The following CPA6 variants were observed in gnomAD, a reference collection of about 807,000 sequenced individuals.
CPA6 encodes carboxypeptidase B.
A neutral mutation model predicts 63.3 loss-of-function variants in CPA6; 58 were observed. The observed-to-expected ratio is 0.92, with a 90% confidence interval of 0.74 to 1.14. The LOEUF (loss-of-function observed/expected upper bound fraction) is 1.14, where lower values mean the gene tolerates loss of function less well. CPA6 is among the 50% of genes most tolerant of loss of function. The probability of loss-of-function intolerance (pLI) is 0.00; values close to 1 mark genes in which losing one functional copy is unlikely to be tolerated. For synonymous variants in CPA6, 185 were observed against 179.0 expected, an observed-to-expected ratio of 1.03 and a Z score of -0.27; for missense variants, 565 against 526.6, an observed-to-expected ratio of 1.07 and a Z score of -0.71.
chr8:67,425,742 C>G (rs1587410478), intron 10 of CPA6, among the ~76,000 whole-genome samples: 1 of 152,090 alleles, frequency 6.6e-6, no homozygotes, highest in African/African-American at 2.4e-5. Flanking sequence ...CCCTTTGCTT[C>G]AGTTAAGGAC....
chr8:67,740,203 G>C (rs1197612032), intron 1 of CPA6, among the ~76,000 whole-genome samples: 1 of 152,174 alleles, frequency 6.6e-6, no homozygotes, highest in Non-Finnish European at 1.5e-5. Flanking sequence ...GACAGTCCCT[G>C]GCAACCCCAG....
intron 1 of CPA6, chr8:67,732,714 T>C (rs1817729826): frequency 1.3e-5 from 2 of 152,372 alleles, no homozygotes. Context: ...TGGAGGAACA[T>C]GCACAGAATA....
chr8:67,733,120 C>T (rs1317927958), intron 1 of CPA6, among the ~76,000 whole-genome samples: 2 of 137,268 alleles, frequency 1.5e-5, no homozygotes, highest in Non-Finnish European at 3.0e-5. Flanking sequence ...GGCTTGAACC[C>T]GGGAGGTGGA....
chr8:67,633,547 G>A (rs908383703), intron 1 of CPA6, among the ~76,000 whole-genome samples: 1 of 152,098 alleles, frequency 6.6e-6, no homozygotes, highest in Non-Finnish European at 1.5e-5. Flanking sequence ...CGGGCGTGGT[G>A]GCGGGCGCCT....
Position 67,543,727 on chromosome 8 carries a change from C to CT in CPA6, c.193-25681dup, listed in dbSNP as rs758600020. ...ATTGTTGTGAAACACATCTCCAGAC[C>CT]TTTTTCATTTATACTCATCAAACAA... On this transcript the variant is annotated intron_variant, in intron 2 of 10. Transcript: ENST00000297770. 2.6e-5 allele frequency among the ~76,000 whole-genome samples: 4 copies of CT among 151,980 alleles called. No individual in the cohort carries two copies. In the East Asian group the frequency reaches 7.7e-4, roughly 29 times the overall value.
At position 67,576,956 on chromosome 8, in the gene CPA6, G is replaced by A. The variant is rs117161333; in HGVS notation, c.192+47220C>T. On this transcript the variant is annotated intron_variant, in intron 2 of 10. Coordinates refer to ENST00000297770, the MANE Select transcript of CPA6 (RefSeq NM_020361.5). ...CAGCTCACTGCAACCTTCCGCCTCC[G>A]GGGTTCAAGCGATTCTCCTATCTTA... 6.1e-4 allele frequency among the ~76,000 whole-genome samples: 93 copies of A among 151,388 alleles called. 2 individuals are homozygous for A. In the East Asian group the frequency reaches 0.017, roughly 28 times the overall value.
intron 1 of CPA6, among the ~76,000 whole-genome samples, chr8:67,727,329 G>C (rs1489320301): frequency 6.6e-6 from 1 of 152,112 alleles, no homozygotes; most frequent in Non-Finnish European, 1.5e-5. Flanking sequence ...ATACCCCAAA[G>C]TATGGTGCTT....
At chr8:67,576,149 T>C (rs1451856995) in intron 2 of CPA6, among the ~76,000 whole-genome samples, 2 of 152,196 alleles carry the variant, frequency 1.3e-5, no homozygotes, top group Admixed American at 6.5e-5. Context: ...TTGAGTACTG[T>C]ACATTTTAAC....
At chr8:67,638,709 G>A (rs960833333) in intron 1 of CPA6, among the ~76,000 whole-genome samples, 13 of 151,634 alleles carry the variant, frequency 8.6e-5, no homozygotes, top group African/African-American at 2.9e-4. Flanking sequence ...CTCAATTTGA[G>A]GCATTACTGA....
intron 8 of CPA6, among the ~76,000 whole-genome samples, chr8:67,443,682 A>G (rs1399571179): frequency 6.6e-6 from 1 of 152,210 alleles, no homozygotes; most frequent in Non-Finnish European, 1.5e-5. Context: ...TCTCTTAACC[A>G]TGAAGGATTT....
At position 67,681,200 on chromosome 8, in the gene CPA6, C is replaced by CTTTTTTTTTTTTTTTTTTTTTTTTT. The variant is rs1007305743; in HGVS notation, c.117-56950_117-56949insAAAAAAAAAAAAAAAAAAAAAAAAA. Among the ~76,000 whole-genome samples, 56 of 89,880 alleles carry CTTTTTTTTTTTTTTTTTTTTTTTTT rather than the reference C, an allele frequency of 6.2e-4. 13 individuals carry two copies. The highest frequency in any genetic ancestry group is 8.0e-4 in the Non-Finnish European group (39 of 48,920). 59.0% of individuals were successfully genotyped at this position (89,880 alleles called of 152,430 possible). ...CTCAACCCAAGGTCACAAAGATTTT[C>CTTTTTTTTTTTTTTTTTTTTTTTTT]TTTTTTTTTTTTTTTTTTTTGAGAC... On this transcript the variant is annotated intron_variant, in intron 1 of 10. Coordinates refer to ENST00000297770, the MANE Select transcript of CPA6 (RefSeq NM_020361.5).
At chr8:67,441,493 G>C (rs1810293449) in intron 8 of CPA6, among the ~76,000 whole-genome samples, 1 of 152,126 alleles carries the variant, frequency 6.6e-6, no homozygotes, top group Non-Finnish European at 1.5e-5. Context: ...CTCAACTAAA[G>C]AACTCTGAAA....
chr8:67,448,848 A>G (rs1000359309), intron 8 of CPA6, among the ~76,000 whole-genome samples: 1 of 152,056 alleles, frequency 6.6e-6, no homozygotes, highest in African/African-American at 2.4e-5. Flanking sequence ...ATATAATGTT[A>G]TCAATCATCC....
At chr8:67,541,400 G>C (rs1008186178) in intron 2 of CPA6, among the ~76,000 whole-genome samples, 1 of 152,098 alleles carries the variant, frequency 6.6e-6, no homozygotes. Context: ...ACCTGGGCCT[G>C]GTAGTTAAAG....
chr8:67,690,502 G>A (rs1347106331), intron 1 of CPA6, among the ~76,000 whole-genome samples: 1 of 152,156 alleles, frequency 6.6e-6, no homozygotes, highest in Non-Finnish European at 1.5e-5. Context: ...GCACATCAGT[G>A]CTTGTTCTAA....
intron 2 of CPA6, among the ~76,000 whole-genome samples, chr8:67,570,456 GAGTATGAGGGTTAA>G (rs1324289627): frequency 6.6e-6 from 1 of 152,114 alleles, no homozygotes; most frequent in Non-Finnish European, 1.5e-5. Context: ...ATTATATTCC[GAGTATGAGGGTTAA>G]AGGGCAAAAT....
chr8:67,549,754 G>A (rs1040781740), intron 2 of CPA6, among the ~76,000 whole-genome samples: 1 of 152,118 alleles, frequency 6.6e-6, no homozygotes, highest in Non-Finnish European at 1.5e-5. Flanking sequence ...TCTGTGTCTG[G>A]TTTATTTCAC....
intron 1 of CPA6, among the ~76,000 whole-genome samples, chr8:67,655,771 A>C (rs1815968928): frequency 6.6e-6 from 1 of 152,176 alleles, no homozygotes; most frequent in East Asian, 1.9e-4. Flanking sequence ...CAATCTCTGC[A>C]ATCCCTGATT....
chr8:67,533,675 A>G (rs1413195663), intron 2 of CPA6, among the ~76,000 whole-genome samples: 1 of 152,228 alleles, frequency 6.6e-6, no homozygotes, highest in East Asian at 1.9e-4. Flanking sequence ...TTATAAAGAG[A>G]AAAGAAGGCA....
Sources: gnomAD v4.1 joint callset for allele counts (sites outside exome capture counted in the v4.1 genomes callset) on GRCh38, gnomAD v4.1.1 for gene constraint, MANE v1.5 for transcripts, NCBI Gene and HGNC (gene_info 2026-07-23, HGNC 2026-07-21) for gene names.